Variants in CHD1 observed in about 807,000 individuals in gnomAD.
CHD1 encodes ATP-dependent chromatin remodeler CHD1.
Under a neutral mutation model 224.2 loss-of-function variants are expected in CHD1, and 36 were observed. The ratio of observed to expected loss-of-function variants is 0.16; its 90% CI spans 0.12 to 0.21. CHD1 has a LOEUF of 0.21. CHD1 is among the 10% of genes least tolerant of loss of function. CHD1 has a pLI of 1.00. For missense variants in CHD1, 1,378 were observed against 1,994.8 expected (o/e 0.69, Z 5.89); for synonymous variants, 668 against 658.3 (o/e 1.01, Z -0.23).
chr5:98,923,190 T>G (rs911504391), intron 2 of CHD1, among the ~76,000 whole-genome samples: 1 of 152,030 alleles, frequency 6.6e-6, no homozygotes, highest in African/African-American at 2.4e-5. Context: ...TAGAGCATAG[T>G]ATAGCAGCGG....
At chr5:98,908,376 T>C (rs1333824437) in intron 2 of CHD1, among the ~76,000 whole-genome samples, 1 of 152,210 alleles carries the variant, frequency 6.6e-6, no homozygotes, top group Non-Finnish European at 1.5e-5. Flanking sequence ...ACTTCTGGAA[T>C]ATATACCTCT....
intron 14 of CHD1, 64 bp from the exon 15 acceptor site, chr5:98,892,777 AC>A: frequency 8.7e-7 from 1 of 1,150,874 alleles, no homozygotes; most frequent in East Asian, 2.6e-5. Context: ...TTGTGTATGA[AC>A]TTTTTTTTTT....
intron 13 of CHD1, 38 bp from the exon 14 acceptor site, chr5:98,893,644 C>A: frequency 7.4e-7 from 1 of 1,355,908 alleles, no homozygotes; most frequent in Non-Finnish European, 1.0e-6. Flanking sequence ...GAGAGAAAAA[C>A]GGAATTCAAA....
intron 2 of CHD1, among the ~76,000 whole-genome samples, chr5:98,916,238 T>C (rs951655521): frequency 4.0e-5 from 6 of 151,898 alleles, no homozygotes; most frequent in African/African-American, 1.5e-4. Flanking sequence ...ATTATTGATA[T>C]TTAGTTTGCT....
At chr5:98,915,919 G>A (rs926238265) in intron 2 of CHD1, among the ~76,000 whole-genome samples, 5 of 152,150 alleles carry the variant, frequency 3.3e-5, no homozygotes, top group South Asian at 2.1e-4. Context: ...TTGGCTGGGC[G>A]CGGTGGCTCA....
At chr5:98,895,128 T>C (rs564679109) in intron 12 of CHD1, among the ~76,000 whole-genome samples, 21 of 152,246 alleles carry the variant, frequency 1.4e-4, no homozygotes, top group African/African-American at 4.8e-4. Flanking sequence ...GCCAGAGTTA[T>C]TCTTTATATA....
At chr5:98,899,936 T>A (rs887959490) in intron 7 of CHD1, among the ~76,000 whole-genome samples, 1 of 151,996 alleles carries the variant, frequency 6.6e-6, no homozygotes, top group African/African-American at 2.4e-5. Context: ...AAGACAGAGA[T>A]CCACCTGAGA....
At chr5:98,892,121 T>C (rs953291465) in intron 15 of CHD1, among the ~76,000 whole-genome samples, 14 of 152,220 alleles carry the variant, frequency 9.2e-5, no homozygotes, top group African/African-American at 2.9e-4. Context: ...ACAAAATTTA[T>C]ACCAGCTATG....
Position 98,867,762 on chromosome 5 carries a change from C to CT in CHD1, c.4248+732dup, listed in dbSNP as rs1483691051. On this transcript the variant is annotated intron_variant, in intron 31 of 35. Coordinates refer to ENST00000614616, the MANE Select transcript of CHD1 (RefSeq NM_001270.4). ...TAGCTCATGCCTGTAATCCCAGCAC[C>CT]TGGGCCCACCTTGGCCTCCTTTTAT... Among the ~76,000 whole-genome samples, 4 of 150,756 alleles carry CT rather than the reference C, an allele frequency of 2.7e-5. No homozygotes were observed. The East Asian group carries it at 7.8e-4, about 29-fold the overall frequency.
At chr5:98,909,933 T>C (rs1752281820) in intron 2 of CHD1, among the ~76,000 whole-genome samples, 2 of 152,276 alleles carry the variant, frequency 1.3e-5, no homozygotes, top group South Asian at 4.1e-4. Flanking sequence ...AACCTGCCTA[T>C]CTTTCTAGTA....
intron 14 of CHD1, 129 bp downstream of exon 14, chr5:98,893,285 TAA>T: frequency 1.8e-6 from 1 of 557,428 alleles, no homozygotes; most frequent in Non-Finnish European, 3.0e-6. Context: ...TTTTCCTTTT[TAA>T]AAAATTCTTA....
At chr5:98,857,874 TAA>T (rs1257607573) in intron 35 of CHD1, among the ~76,000 whole-genome samples, 1 of 152,098 alleles carries the variant, frequency 6.6e-6, no homozygotes, top group South Asian at 2.1e-4. Flanking sequence ...TATTATATTT[TAA>T]AGAGTATTTG....
intron 2 of CHD1, among the ~76,000 whole-genome samples, chr5:98,910,614 T>C (rs1211421485): frequency 2.0e-5 from 3 of 152,118 alleles, no homozygotes; most frequent in South Asian, 4.1e-4. Context: ...ATTCAAAAAT[T>C]TTTTATTTTC....
chr5:98,859,118 A>G (rs1004421941), intron 33 of CHD1, 103 bp from the exon 34 acceptor site: 3 of 811,364 alleles, frequency 3.7e-6, no homozygotes, highest in African/African-American at 3.7e-5. Flanking sequence ...GTCTTCACAC[A>G]AGATATTAGA....
rs1374832540 is a variant in CHD1, at chr5:98,855,644, T to C, written c.*736A>G. On this transcript the variant is annotated 3_prime_UTR_variant, in exon 36 of 36. Transcript: ENST00000614616. ...TAAACAATGATTCCATCAAGACAAA[T>C]CATTAAAAAGTGTTATTACACTGAT... is the stretch of plus-strand genomic sequence containing the variant. 6.7e-6 allele frequency: 1 copy of C among 149,260 alleles called. No individual in the cohort carries two copies. The highest frequency in any genetic ancestry group is 2.5e-5 in the African/African-American group (1 of 40,608). 9.2% of individuals were successfully genotyped at this position (149,260 alleles called of 1,614,324 possible). A position where few individuals can be genotyped will look rare whatever the true frequency, so the allele number is the denominator to read the frequency against.
Position 98,869,622 on chromosome 5 carries a change from G to GCGCACACACACACACA in CHD1, c.4107+131_4107+132insTGTGTGTGTGTGTGCG, listed in dbSNP as rs1554074391. ...TATAAGTGCGTGCGCACGTGCGCGCGCACACACACACACACACACACACAC... is the reference window on the plus strand; with the variant it reads ...TATAAGTGCGTGCGCACGTGCGCGCGCGCACACACACACACACACACACACACACACACACACACAC... On this transcript the variant is annotated intron_variant, in intron 30 of 35. Transcript: ENST00000614616. 5 of 717,984 alleles carry GCGCACACACACACACA rather than the reference G, an allele frequency of 7.0e-6. No homozygotes were observed. In the African/African-American group the frequency reaches 9.8e-5, roughly 14 times the overall value. The allele number at this position is 717,984 out of a possible 1,614,324, so 44.5% of individuals were successfully genotyped here. A position where few individuals can be genotyped will look rare whatever the true frequency, so the allele number is the denominator to read the frequency against.
At chr5:98,924,363 CAA>C (rs1395823524) in intron 2 of CHD1, among the ~76,000 whole-genome samples, 4 of 152,200 alleles carry the variant, frequency 2.6e-5, no homozygotes, top group Admixed American at 6.5e-5. Context: ...AGCTCAGATT[CAA>C]AAGTCTTTTA....
At chr5:98,922,760 G>A (rs1210060589) in intron 2 of CHD1, among the ~76,000 whole-genome samples, 1 of 152,132 alleles carries the variant, frequency 6.6e-6, no homozygotes, top group Non-Finnish European at 1.5e-5. Context: ...AGGCCAAGGC[G>A]GGCAGATCAC....
intron 35 of CHD1, among the ~76,000 whole-genome samples, chr5:98,856,990 G>A (rs981771254): frequency 1.3e-5 from 2 of 152,010 alleles, no homozygotes; most frequent in Non-Finnish European, 2.9e-5. Flanking sequence ...TAGATAATTA[G>A]CTGCTTTTTA....
Sources: allele counts gnomAD v4.1 joint callset (sites outside exome capture counted in the v4.1 genomes callset), GRCh38; gene constraint gnomAD v4.1.1; transcripts MANE v1.5; gene names NCBI Gene and HGNC (gene_info 2026-07-23, HGNC 2026-07-21).